The following C8orf34 variants were observed in gnomAD, a reference collection of about 807,000 sequenced individuals.
C8orf34 encodes uncharacterized protein C8orf34.
Under a neutral mutation model 68.3 loss-of-function variants are expected in C8orf34, and 65 were observed. That is an observed-to-expected ratio of 0.95 (90% confidence interval 0.78 to 1.17). The LOEUF (loss-of-function observed/expected upper bound fraction) is 1.17, where lower values mean the gene tolerates loss of function less well. Ranked by LOEUF, C8orf34 falls within the 50% of genes most tolerant of loss-of-function variation. The probability of loss-of-function intolerance (pLI) is 0.00; values close to 1 mark genes in which losing one functional copy is unlikely to be tolerated. For synonymous variants in C8orf34, 244 were observed against 241.2 expected (o/e 1.01, Z -0.11); for missense variants, 664 against 655.4 (o/e 1.01, Z -0.14).
intron 7 of C8orf34, among the ~76,000 whole-genome samples, chr8:68,543,917 A>G (rs1253931931): frequency 2.0e-5 from 3 of 152,108 alleles, no homozygotes; most frequent in African/African-American, 4.8e-5. Flanking sequence ...TTGGTTCTTG[A>G]GAGTAGGGAA....
intron 10 of C8orf34, among the ~76,000 whole-genome samples, chr8:68,741,309 TTTTAAATTG>T (rs1822285482): frequency 6.6e-6 from 1 of 152,224 alleles, no homozygotes; most frequent in South Asian, 2.1e-4. Context: ...TTTTATTTCA[TTTTAAATTG>T]TTTAAATTGT....
At chr8:68,351,987 T>C (rs1806530714) in intron 1 of C8orf34, among the ~76,000 whole-genome samples, 1 of 152,124 alleles carries the variant, frequency 6.6e-6, no homozygotes, top group Admixed American at 6.6e-5. Flanking sequence ...TTGCCATCTG[T>C]ATATCTTCTT....
intron 1 of C8orf34, among the ~76,000 whole-genome samples, chr8:68,407,172 T>C (rs989044852): frequency 1.3e-5 from 2 of 152,172 alleles, no homozygotes; most frequent in African/African-American, 4.8e-5. Flanking sequence ...TTCTAGCATT[T>C]CACCACATTT....
intron 6 of C8orf34, among the ~76,000 whole-genome samples, chr8:68,529,600 C>T (rs932578686): frequency 6.6e-6 from 1 of 152,070 alleles, no homozygotes; most frequent in African/African-American, 2.4e-5. Flanking sequence ...AGGCCACAGA[C>T]CCTCTGGAAT....
intron 1 of C8orf34, among the ~76,000 whole-genome samples, chr8:68,405,159 T>G (rs1335698144): frequency 1.3e-5 from 2 of 152,008 alleles, no homozygotes; most frequent in African/African-American, 2.4e-5. Context: ...CTTAAGATGG[T>G]TTGATGATCA....
At chr8:68,622,996 C>T (rs1426292636) in intron 7 of C8orf34, among the ~76,000 whole-genome samples, 1 of 152,208 alleles carries the variant, frequency 6.6e-6, no homozygotes, top group East Asian at 1.9e-4. Context: ...AGCAAGTCTT[C>T]TTTGTGTAAG....
chr8:68,799,790 A>G (rs2129529514), intron 12 of C8orf34, among the ~76,000 whole-genome samples: 1 of 152,328 alleles, frequency 6.6e-6, no homozygotes, highest in East Asian at 1.9e-4. Context: ...TAAAGAAACC[A>G]TAGGAAGGAA....
intron 1 of C8orf34, among the ~76,000 whole-genome samples, chr8:68,362,522 C>T (rs1490611965): frequency 6.6e-6 from 1 of 152,132 alleles, no homozygotes; most frequent in Non-Finnish European, 1.5e-5. Flanking sequence ...TTGAAGAGAG[C>T]AGTGGTTCTC....
intron 7 of C8orf34, among the ~76,000 whole-genome samples, chr8:68,607,418 A>T (rs1429557033): frequency 2.6e-5 from 4 of 152,014 alleles, no homozygotes; most frequent in Non-Finnish European, 4.4e-5. Flanking sequence ...CCTTTTCACT[A>T]TATCTTTACA....
At chr8:68,763,736 T>C (rs1014646516) in intron 10 of C8orf34, among the ~76,000 whole-genome samples, 1 of 152,234 alleles carries the variant, frequency 6.6e-6, no homozygotes, top group African/African-American at 2.4e-5. Context: ...AATTAGAAAT[T>C]TGTGCTTCTT....
chr8:68,620,119 G>T (rs972193950), intron 7 of C8orf34, among the ~76,000 whole-genome samples: 2 of 152,196 alleles, frequency 1.3e-5, no homozygotes, highest in Admixed American at 6.5e-5. Context: ...GTGAAATGGG[G>T]TGAAGAGAAA....
intron 9 of C8orf34, among the ~76,000 whole-genome samples, chr8:68,714,739 A>G (rs1795021538): frequency 6.6e-6 from 1 of 152,202 alleles, no homozygotes; most frequent in African/African-American, 2.4e-5. Context: ...CCATCAAAAT[A>G]TCACCATCAT....
intron 6 of C8orf34, chr8:68,530,501 C>T: frequency 2.6e-6 from 1 of 382,658 alleles, no homozygotes; most frequent in Non-Finnish European, 4.6e-6. Context: ...CTAAGAAATC[C>T]AAATTAAAAT....
chr8:68,419,755 G>A (rs376199816), intron 1 of C8orf34, among the ~76,000 whole-genome samples: 10 of 146,346 alleles, frequency 6.8e-5, no homozygotes, highest in Non-Finnish European at 1.2e-4. Flanking sequence ...GCATATTCTC[G>A]CTCACAAGTG....
At chr8:68,692,379 C>T (rs760578891) in intron 8 of C8orf34, among the ~76,000 whole-genome samples, 10 of 151,946 alleles carry the variant, frequency 6.6e-5, no homozygotes, top group Non-Finnish European at 8.8e-5. Context: ...TAATACCAAA[C>T]CCTTGTATCA....
At chr8:68,749,531 T>A (rs1486980467) in intron 10 of C8orf34, among the ~76,000 whole-genome samples, 1 of 151,638 alleles carries the variant, frequency 6.6e-6, no homozygotes, top group Non-Finnish European at 1.5e-5. Flanking sequence ...GAAACCATCA[T>A]CATAATGCAG....
intron 11 of C8orf34, among the ~76,000 whole-genome samples, chr8:68,787,176 A>G (rs1462926241): frequency 6.6e-6 from 1 of 152,220 alleles, no homozygotes; most frequent in Non-Finnish European, 1.5e-5. Flanking sequence ...CAACATTTCC[A>G]TAAAAATATT....
At chr8:68,476,673 G>A (rs893420321) in intron 4 of C8orf34, among the ~76,000 whole-genome samples, 1 of 152,096 alleles carries the variant, frequency 6.6e-6, no homozygotes, top group African/African-American at 2.4e-5. Context: ...TAGATTTGGG[G>A]GAAAACCATA....
chr8:68,793,781 C>A (rs1460968319), intron 12 of C8orf34, among the ~76,000 whole-genome samples: 1 of 152,036 alleles, frequency 6.6e-6, no homozygotes, highest in Non-Finnish European at 1.5e-5. Context: ...CAAACCTGCA[C>A]GTCCTGCCCA....
Sources: allele counts gnomAD v4.1 joint callset (sites outside exome capture counted in the v4.1 genomes callset), GRCh38; gene constraint gnomAD v4.1.1; transcripts MANE v1.5; gene names NCBI Gene and HGNC (gene_info 2026-07-23, HGNC 2026-07-21).